CHRM2: variants seen among roughly 807,000 people sequenced by gnomAD.
CHRM2 encodes the protein cholinergic receptor muscarinic 2, also known as muscarinic acetylcholine receptor M2.
In CHRM2, 8 loss-of-function variants were observed where a neutral mutation model predicts 25.0. The observed-to-expected ratio is 0.32, with a 90% CI of 0.19 to 0.58. CHRM2 has a LOEUF of 0.58. CHRM2 is among the 20% of genes least tolerant of loss of function. CHRM2 has a pLI of 0.88. For synonymous variants in CHRM2, 202 were observed against 205.7 expected (o/e 0.98, Z 0.15); for missense variants, 440 against 567.1 (o/e 0.78, Z 2.28).
chr7:136,912,613 C>T (rs979859150), intron 2 of CHRM2, among the ~76,000 whole-genome samples: 1 of 151,774 alleles, frequency 6.6e-6, no homozygotes, highest in Non-Finnish European at 1.5e-5. Context: ...GCAGAGCCAC[C>T]GTTTGAACCC....
At chr7:136,928,070 G>A (rs17412549) in intron 2 of CHRM2, among the ~76,000 whole-genome samples, 36,350 of 151,994 alleles carry the variant, frequency 0.24, 5,715 homozygotes, top group Non-Finnish European at 0.35. Flanking sequence ...AGAATTTTGC[G>A]CAGAGTGGAT....
intron 2 of CHRM2, among the ~76,000 whole-genome samples, chr7:136,937,176 G>C (rs757742376): frequency 8.5e-5 from 13 of 152,166 alleles, no homozygotes; most frequent in Non-Finnish European, 1.6e-4. Flanking sequence ...TCTACAGGAA[G>C]AATGACATCG....
chr7:137,007,120 T>C (rs1355440424), intron 3 of CHRM2, among the ~76,000 whole-genome samples: 1 of 152,106 alleles, frequency 6.6e-6, no homozygotes, highest in African/African-American at 2.4e-5. Flanking sequence ...GAAAGAGAGA[T>C]ACAGATGTAG....
At chr7:137,008,265 A>C (rs542715424) in intron 3 of CHRM2, among the ~76,000 whole-genome samples, 1 of 152,192 alleles carries the variant, frequency 6.6e-6, no homozygotes, top group Admixed American at 6.5e-5. Context: ...CAGTAGGTGA[A>C]CCCTTGCTTC....
chr7:136,883,142 A>G (rs577608128), intron 2 of CHRM2, among the ~76,000 whole-genome samples: 23 of 152,218 alleles, frequency 1.5e-4, no homozygotes, highest in Admixed American at 3.9e-4. Context: ...TCCTAATAGC[A>G]CTACTTCTGC....
intron 2 of CHRM2, among the ~76,000 whole-genome samples, chr7:136,890,816 T>G (rs1235753903): frequency 6.6e-6 from 1 of 152,130 alleles, no homozygotes. Context: ...TGTATATGGG[T>G]GTATGTGTTT....
At chr7:136,978,449 A>G (rs1802255471) in intron 2 of CHRM2, among the ~76,000 whole-genome samples, 1 of 152,040 alleles carries the variant, frequency 6.6e-6, no homozygotes, top group Non-Finnish European at 1.5e-5. Context: ...GAGATTTATT[A>G]GCGCATCTTT....
At chr7:136,953,403 T>TA (rs1463074134) in intron 2 of CHRM2, among the ~76,000 whole-genome samples, 1 of 152,186 alleles carries the variant, frequency 6.6e-6, no homozygotes, top group African/African-American at 2.4e-5. Flanking sequence ...AGTGTATAGA[T>TA]AGATTTTTCT....
At chr7:136,917,706 C>A (rs1798200040) in intron 2 of CHRM2, among the ~76,000 whole-genome samples, 1 of 151,990 alleles carries the variant, frequency 6.6e-6, no homozygotes, top group Admixed American at 6.6e-5. Flanking sequence ...AAATACAAGA[C>A]CAGACTGGGA....
intron 2 of CHRM2, among the ~76,000 whole-genome samples, chr7:136,927,019 T>A (rs10261540): frequency 0.016 from 2,277 of 146,864 alleles, 50 homozygotes; most frequent in African/African-American, 0.053. Flanking sequence ...TACCTTAGAA[T>A]ATGCTAATAG....
At chr7:136,907,301 T>G (rs1797609748) in intron 2 of CHRM2, among the ~76,000 whole-genome samples, 1 of 151,890 alleles carries the variant, frequency 6.6e-6, no homozygotes, top group African/African-American at 2.4e-5. Context: ...TTTCTGTACT[T>G]CAAGACTGTA....
At chr7:136,947,658 G>T (rs1279993837) in intron 2 of CHRM2, among the ~76,000 whole-genome samples, 7 of 152,102 alleles carry the variant, frequency 4.6e-5, no homozygotes, top group Admixed American at 4.6e-4. Context: ...CTTCTTTAGA[G>T]AAAATGATTA....
chr7:137,018,389 C>A lies in CHRM2; in HGVS notation c.*2123C>A, dbSNP rs1805284888. The A allele has an allele frequency of 6.6e-6, 1 of 151,904 alleles. No individual in the cohort carries two copies. The highest frequency in any genetic ancestry group is 1.5e-5 in the Non-Finnish European group (1 of 67,922). The allele number at this position is 151,904 out of a possible 1,614,324, so 9.4% of individuals were successfully genotyped here. ...CCTTACCTACAGTTACTTCAACATG[C>A]ACTTTTACATTTTAAATTCATATTT... On this transcript the variant is annotated 3_prime_UTR_variant, in exon 4 of 4. Transcript: ENST00000680005.
chr7:136,900,671 G>T (rs1185798184), intron 2 of CHRM2, among the ~76,000 whole-genome samples: 1 of 151,994 alleles, frequency 6.6e-6, no homozygotes, highest in South Asian at 2.1e-4. Flanking sequence ...GCACAGAATT[G>T]CTCGTCTCAT....
chr7:136,989,991 T>G (rs1485070528), intron 2 of CHRM2, among the ~76,000 whole-genome samples: 2 of 152,136 alleles, frequency 1.3e-5, no homozygotes, highest in African/African-American at 4.8e-5. Context: ...TGAACTTACA[T>G]GCACTGCAGT....
Position 136,932,893 on chromosome 7 carries a change from G to T in CHRM2, c.-124-59294G>T, listed in dbSNP as rs181113617. Among the ~76,000 whole-genome samples, 148 of 152,222 alleles carry T rather than the reference G, an allele frequency of 9.7e-4. 1 individual carries two copies. Among genetic ancestry groups the T allele is most frequent in the African/African-American group, 3.4e-3 (140 of 41,526 alleles). On this transcript the variant is annotated intron_variant, in intron 2 of 3. Coordinates refer to ENST00000680005, the MANE Select transcript of CHRM2 (RefSeq NM_001006630.2). ...AAAAATACCAAAATTAGCTGGGCAT[G>T]GTGGCGTGCACCTGTAGTCCCAGCT...
intron 2 of CHRM2, among the ~76,000 whole-genome samples, chr7:136,945,086 T>G (rs968072293): frequency 6.6e-6 from 1 of 152,074 alleles, no homozygotes; most frequent in Non-Finnish European, 1.5e-5. Context: ...TTTTTTGTTT[T>G]TTTTTCTTCT....
chr7:136,903,132 A>G (rs753762232), intron 2 of CHRM2: 9 of 533,954 alleles, frequency 1.7e-5, no homozygotes, highest in Non-Finnish European at 3.5e-5. Flanking sequence ...TTATTCTTCA[A>G]CCAACGGTGG....
At chr7:136,958,828 T>C (rs1160878237) in intron 2 of CHRM2, among the ~76,000 whole-genome samples, 1 of 152,150 alleles carries the variant, frequency 6.6e-6, no homozygotes, top group African/African-American at 2.4e-5. Context: ...ATTACACAAA[T>C]TAGTTTTTAA....
Sources: gnomAD v4.1 joint callset for allele counts (sites outside exome capture counted in the v4.1 genomes callset) on GRCh38, gnomAD v4.1.1 for gene constraint, MANE v1.5 for transcripts, NCBI Gene and HGNC (gene_info 2026-07-23, HGNC 2026-07-21) for gene names.